NOX5: variants seen among roughly 807,000 people sequenced by gnomAD.
NOX5 encodes the protein NADPH oxidase 5.
NOX5 carries 76 observed loss-of-function variants against 85.7 expected under a neutral mutation model. That is an observed-to-expected ratio of 0.89 (90% CI 0.74 to 1.07). The LOEUF (loss-of-function observed/expected upper bound fraction) is 1.07. Among genes scored for constraint, NOX5 ranks in the 50% least tolerant of loss-of-function variants. NOX5 has a pLI of 0.00. For synonymous variants in NOX5, 405 were observed against 401.4 expected, an observed-to-expected ratio of 1.01 and a Z score of -0.11; for missense variants, 973 against 999.5, an observed-to-expected ratio of 0.97 and a Z score of 0.36.
At position 69,058,395 on chromosome 15, in the gene NOX5, T is replaced by G. The variant is rs1334592081; in HGVS notation, c.*1699T>G. The G allele has an allele frequency of 1.3e-5, 2 of 152,842 alleles. No individual in the cohort carries two copies. Among genetic ancestry groups the G allele is most frequent in the African/African-American group, 4.8e-5 (2 of 41,318 alleles). The allele number at this position is 152,842 out of a possible 1,614,324, so 9.5% of individuals were successfully genotyped here. ...GAAAGGGGCAATAGGAAGGGGATGGTGGAGGAAGACGCTGAGGCAGGCCCT... is the reference window on the plus strand; with the variant it reads ...GAAAGGGGCAATAGGAAGGGGATGGGGGAGGAAGACGCTGAGGCAGGCCCT... On this transcript the variant is annotated 3_prime_UTR_variant, in exon 16 of 16. Transcript: ENST00000388866.
rs140448769 is a variant in NOX5 at position 69,042,747 on chromosome 15, G to A, written c.1589G>A (p.Arg530His). Residue 530 changes from arginine to histidine, a missense_variant, in exon 10 of 16, where the codon CGT (arginine) becomes CAT (histidine). Transcript: ENST00000388866. ...TTCAAGGCATCAGACCCACTGGGCC[G>A]TGGTTCTAAGAGGCTGTCGAGGAGT... ...ESFKASDPLG[R>H]GSKRLSRSVT... is the part of the protein sequence containing the mutation. The A allele has an allele frequency of 2.3e-4, 364 of 1,614,156 alleles. 1 individual carries two copies. Among genetic ancestry groups the A allele is most frequent in the Middle Eastern group, 1.7e-3 (10 of 6,058 alleles).
chr15:69,053,074 A>G (rs1010042317), intron 14 of NOX5, among the ~76,000 whole-genome samples: 6 of 152,240 alleles, frequency 3.9e-5, no homozygotes, highest in Non-Finnish European at 8.8e-5. Flanking sequence ...CATTAACTGC[A>G]GCTGAAACTT....
intron 10 of NOX5, among the ~76,000 whole-genome samples, chr15:69,046,517 C>T (rs1311443611): frequency 6.6e-6 from 1 of 152,158 alleles, no homozygotes; most frequent in South Asian, 2.1e-4. Context: ...GTTAAATTTT[C>T]AGGAATTTCA....
chr15:69,035,477 G>T lies in NOX5; in HGVS notation c.979G>T (p.Val327Leu). ...CTACGTGGTAGTGGGGCTGTCCCTCGTGCACACCGTGGCTCACACTGTGAA... is the reference window on the plus strand; with the variant it reads ...CTACGTGGTAGTGGGGCTGTCCCTCTTGCACACCGTGGCTCACACTGTGAA... ...MGYVVVGLSL[V>L]HTVAHTVNFV... is the part of the protein sequence containing the mutation. The change falls in exon 6 of 16, where the codon GTG (valine) becomes TTG (leucine). Residue 327 changes from valine (V) to leucine (L), a missense_variant. Val to Leu is a conservative substitution (Grantham distance 32, BLOSUM62 1). Transcript: ENST00000388866. 1.9e-6 allele frequency: 3 copies of T among 1,614,160 alleles called. No homozygotes were observed. The highest frequency in any genetic ancestry group is 1.7e-5 in the Admixed American group (1 of 60,028).
intron 10 of NOX5, among the ~76,000 whole-genome samples, chr15:69,043,152 C>T (rs772826948): frequency 1.3e-5 from 2 of 152,168 alleles, no homozygotes; most frequent in Non-Finnish European, 2.9e-5. Flanking sequence ...AAATAGAAGT[C>T]GTTTCCTCTG....
At chr15:69,056,433 G>A (rs1237142507) in intron 15 of NOX5, 132 bp from the exon 16 acceptor site, 13 of 1,154,994 alleles carry the variant, frequency 1.1e-5, no homozygotes, top group Non-Finnish European at 1.5e-5. Flanking sequence ...GTGCCATGCA[G>A]CTCCCTGTGT....
At position 69,037,087 on chromosome 15, in the gene NOX5, G is replaced by T. The variant is rs139472034; in HGVS notation, c.1248G>T (p.Gly416=). Residue 416 remains glycine (G), a synonymous_variant, in exon 8 of 16, where the codon GGG becomes GGT. Coordinates refer to ENST00000388866, the MANE Select transcript of NOX5 (RefSeq NM_024505.4). ...LLVWLLLIFH[G]PNFWKWLLVP... ...TGTGGCTTCTGCTCATCTTTCATGG[G>T]CCCAACTTCTGGAAGTGGCTGCTGG... 6.2e-7 allele frequency: 1 copy of T among 1,613,852 alleles called. No homozygotes were observed. The highest frequency in any genetic ancestry group is 1.3e-5 in the African/African-American group (1 of 74,822).
At position 69,033,058 on chromosome 15, in the gene NOX5, G is replaced by A. The variant is rs2050459699; in HGVS notation, c.636G>A (p.Leu212=). 3 of 1,553,644 alleles carry A rather than the reference G, an allele frequency of 1.9e-6. No homozygotes were observed. The highest frequency in any genetic ancestry group is 2.6e-6 in the Non-Finnish European group (3 of 1,164,170). ...TCTCTCGCAGCGCTGCCCACTGGCT[G>A]ACGGCCCCCGCCCCCCGCCCACGCC... The part of the protein sequence containing the change: ...ENLTISAAHW[L]TAPAPRPRPR... Residue 212 remains leucine (L), a synonymous_variant, in exon 5 of 16, where the codon CTG becomes CTA. Transcript: ENST00000388866.
intron 3 of NOX5, chr15:69,031,137 G>T: frequency 4.4e-6 from 1 of 228,924 alleles, no homozygotes. Context: ...ATGATAAACA[G>T]AGCATTTGCT....
intron 5 of NOX5, among the ~76,000 whole-genome samples, chr15:69,034,130 G>C (rs1456473531): frequency 3.9e-5 from 6 of 152,190 alleles, no homozygotes; most frequent in Admixed American, 3.9e-4. Context: ...TTGATGAGCA[G>C]GGATGCCCAT....
At chr15:69,018,301 C>A (rs947387405) in intron 1 of NOX5, among the ~76,000 whole-genome samples, 1 of 151,984 alleles carries the variant, frequency 6.6e-6, no homozygotes, top group Non-Finnish European at 1.5e-5. Flanking sequence ...AGGCAGCTGG[C>A]GGAGTTGGTG....
At chr15:69,055,313 C>T in intron 14 of NOX5, 21 bp from the exon 15 acceptor site, 1 of 1,612,704 alleles carries the variant, frequency 6.2e-7, no homozygotes, top group Non-Finnish European at 8.5e-7. Context: ...CTCAGTGCAG[C>T]CCTTGTCCCC....
intron 15 of NOX5, 51 bp downstream of exon 15, chr15:69,055,551 C>A: frequency 6.3e-7 from 1 of 1,588,234 alleles, no homozygotes; most frequent in South Asian, 1.1e-5. Context: ...AAGCTGAGAG[C>A]TCGAGGCAGC....
intron 12 of NOX5, 103 bp downstream of exon 12, chr15:69,047,640 G>GTC: frequency 6.9e-7 from 1 of 1,445,546 alleles, no homozygotes. Context: ...CCTTTCACCT[G>GTC]TCTCTCTCTG....
rs144723987 is a variant in NOX5 at position 69,014,896 on chromosome 15, G to A, written c.50+111G>A. ...CTGTGTCTGCCTTGGGCAGAAATCAGAAGATCTGAGCTCTATTCTTGCCTT... is the reference window on the plus strand; with the variant it reads ...CTGTGTCTGCCTTGGGCAGAAATCAAAAGATCTGAGCTCTATTCTTGCCTT... On this transcript the variant is annotated intron_variant, in intron 1 of 15. Coordinates refer to ENST00000388866, the MANE Select transcript of NOX5 (RefSeq NM_024505.4). 1.1e-3 allele frequency: 860 copies of A among 814,172 alleles called. 5 individuals are homozygous for A. In the African/African-American group the frequency reaches 0.013, roughly 12 times the overall value. 50.4% of individuals were successfully genotyped at this position (814,172 alleles called of 1,614,324 possible).
At chr15:69,041,812 T>C (rs997571546) in intron 9 of NOX5, among the ~76,000 whole-genome samples, 1 of 152,254 alleles carries the variant, frequency 6.6e-6, no homozygotes, top group South Asian at 2.1e-4. Context: ...GCTTTGAATG[T>C]GGCCCAACAC....
At chr15:69,027,073 G>C (rs1490271354) in intron 2 of NOX5, among the ~76,000 whole-genome samples, 1 of 152,124 alleles carries the variant, frequency 6.6e-6, no homozygotes, top group Non-Finnish European at 1.5e-5. Context: ...CTGACACACA[G>C]AGGAGACATC....
intron 8 of NOX5, chr15:69,038,057 A>C (rs571527032): frequency 9.2e-5 from 14 of 152,528 alleles, no homozygotes; most frequent in African/African-American, 3.4e-4. Context: ...GGGCCTTGAC[A>C]CTGAGGCAGT....
At position 69,056,636 on chromosome 15, in the gene NOX5, C is replaced by T; in HGVS notation, c.2238C>T (p.Ala746=). 1 of 1,613,842 alleles carries T rather than the reference C, an allele frequency of 6.2e-7. No individual in the cohort carries two copies. The part of the protein sequence containing the change: ...QVFFCGSPAL[A]KVLKGHCEKF... ...TCTTCTGTGGCTCCCCAGCTCTGGC[C>T]AAGGTGCTGAAGGGCCATTGTGAGA... Residue 746 remains alanine (A), a synonymous_variant, in exon 16 of 16, where the codon GCC becomes GCT. Transcript: ENST00000388866.
Sources: allele counts gnomAD v4.1 joint callset (sites outside exome capture counted in the v4.1 genomes callset), GRCh38; gene constraint gnomAD v4.1.1; transcripts MANE v1.5; gene names NCBI Gene and HGNC (gene_info 2026-07-23, HGNC 2026-07-21).